CCDC171: variants seen among roughly 807,000 people sequenced by gnomAD.
CCDC171 encodes coiled-coil domain containing 171.
In CCDC171, 177 loss-of-function variants were observed where a neutral mutation model predicts 168.2. The ratio of observed to expected loss-of-function variants is 1.05; its 90% confidence interval spans 0.93 to 1.19. The LOEUF (loss-of-function observed/expected upper bound fraction) is 1.19. Among genes scored for constraint, CCDC171 ranks in the 50% most tolerant of loss-of-function variants. The pLI is 0.00. For synonymous variants in CCDC171, 687 were observed against 540.8 expected, an observed-to-expected ratio of 1.27 and a Z score of -3.75; for missense variants, 1,991 against 1,539.0, an observed-to-expected ratio of 1.29 and a Z score of -4.91.
chr9:15,564,111 A>G lies in CCDC171; in HGVS notation c.23A>G (p.Asn8Ser), dbSNP rs758257221. MNLNTSSNTGDTQRLKIA... is the reference protein window; with the variant it reads MNLNTSSSTGDTQRLKIA... ...ATCATGAATTTGAATACTTCAAGTA[A>G]TACTGGTGATACCCAAAGGTAAGCC... is the stretch of plus-strand genomic sequence containing the variant. The change falls in exon 2 of 26, where the codon AAT (asparagine) becomes AGT (serine). Residue 8 changes from asparagine to serine, a missense_variant. Transcript: ENST00000380701. 3.1e-6 allele frequency: 5 copies of G among 1,607,852 alleles called. No individual in the cohort carries two copies. Among genetic ancestry groups the G allele is most frequent in the Non-Finnish European group, 4.2e-6 (5 of 1,177,122 alleles).
chr9:15,824,680 A>T (rs1572978), intron 21 of CCDC171, among the ~76,000 whole-genome samples: 65,963 of 151,910 alleles, frequency 0.43, 14,505 homozygotes, highest in Non-Finnish European at 0.46. Context: ...GCTAATTTCT[A>T]TCCTGCGAAC....
intron 4 of CCDC171, among the ~76,000 whole-genome samples, chr9:15,580,883 C>T (rs1413186277): frequency 1.3e-5 from 2 of 152,062 alleles, no homozygotes; most frequent in African/African-American, 4.8e-5. Context: ...GACAAGGATG[C>T]CCTCTCTCAC....
chr9:15,960,786 A>G (rs776273140), intron 25 of CCDC171, among the ~76,000 whole-genome samples: 1 of 152,142 alleles, frequency 6.6e-6, no homozygotes, highest in Non-Finnish European at 1.5e-5. Context: ...TTCTCTCCCT[A>G]AGAAATACAT....
At position 15,784,595 on chromosome 9, in the gene CCDC171, G is replaced by T. The variant is rs1352692435; in HGVS notation, c.3168G>T (p.Leu1056Phe). The T allele has an allele frequency of 6.2e-7, 1 of 1,613,266 alleles. No individual in the cohort carries two copies. The highest frequency in any genetic ancestry group is 2.2e-5 in the East Asian group (1 of 44,832). The change falls in exon 21 of 26, where the codon TTG becomes TTT. Residue 1056 changes from leucine to phenylalanine, a missense_variant. Leu to Phe is a conservative substitution (Grantham distance 22). Transcript: ENST00000380701. The stretch of plus-strand genomic sequence containing the variant: ...GGGAAGAGCAGGCACAAATGCTATT[G>T]AATGAACAGGCACAACAACTACAGG... ...LLREEQAQML[L>F]NEQAQQLQEL... is the part of the protein sequence containing the mutation.
chr9:15,790,634 C>T (rs1171266313), intron 21 of CCDC171, among the ~76,000 whole-genome samples: 1 of 152,128 alleles, frequency 6.6e-6, no homozygotes, highest in Non-Finnish European at 1.5e-5. Context: ...GCTTTTGTTG[C>T]CATTGCCTTT....
At position 15,729,802 on chromosome 9, in the gene CCDC171, T is replaced by TG; in HGVS notation, c.2049+5dup. Reference sequence around the variant, plus strand: ...GGAGGTGCAGAAGAGGGCACAGGTATGCTACCTTTACAAAGAGCTTTAAAA... The same window carrying TG: ...GGAGGTGCAGAAGAGGGCACAGGTATGGCTACCTTTACAAAGAGCTTTAAAA... On this transcript the variant is annotated splice_donor_region_variant and intron_variant, in intron 16 of 25. Transcript: ENST00000380701. 1 of 1,595,260 alleles carries TG rather than the reference T, an allele frequency of 6.3e-7. No individual in the cohort carries two copies. Among genetic ancestry groups the TG allele is most frequent in the South Asian group, 1.1e-5 (1 of 88,152 alleles).
Position 15,906,044 on chromosome 9 carries a change from C to CA in CCDC171, c.3601-14218dup, listed in dbSNP as rs558148571. 8.2e-3 allele frequency among the ~76,000 whole-genome samples: 1,247 copies of CA among 151,870 alleles called. 14 individuals are homozygous for CA. The highest frequency in any genetic ancestry group is 0.029 in the African/African-American group (1,194 of 41,422). ...AGGCAATAATTATTAGCTTACCAAC[C>CA]AAAAAAAATCCAGGACCAGATGGAT... On this transcript the variant is annotated intron_variant, in intron 24 of 25. Transcript: ENST00000380701.
At chr9:15,582,326 TTGG>T (rs2041191524) in intron 4 of CCDC171, among the ~76,000 whole-genome samples, 1 of 152,184 alleles carries the variant, frequency 6.6e-6, no homozygotes, top group Admixed American at 6.5e-5. Context: ...TTTTACACTG[TTGG>T]TGGGAGTGTA....
At chr9:15,599,599 A>G (rs887117692) in intron 6 of CCDC171, among the ~76,000 whole-genome samples, 3 of 151,870 alleles carry the variant, frequency 2.0e-5, no homozygotes, top group Non-Finnish European at 2.9e-5. Flanking sequence ...CTTCATTTCA[A>G]CTTTGGTGAA....
intron 24 of CCDC171, among the ~76,000 whole-genome samples, chr9:15,903,415 C>G (rs1327944442): frequency 6.6e-6 from 1 of 152,200 alleles, no homozygotes; most frequent in Non-Finnish European, 1.5e-5. Flanking sequence ...GATACCCAGG[C>G]AAACAGGATC....
the CCDC171 span, among the ~76,000 whole-genome samples, chr9:16,098,282 G>C: frequency 6.6e-6 from 1 of 152,168 alleles, no homozygotes; most frequent in East Asian, 1.9e-4. Context: ...GCATGAACAT[G>C]TGCTTTAAAG....
chr9:16,094,354 A>T, the CCDC171 span, among the ~76,000 whole-genome samples: 1 of 152,254 alleles, frequency 6.6e-6, no homozygotes, highest in African/African-American at 2.4e-5. Context: ...TCTGTCTCAA[A>T]ATGGTTCATG....
chr9:15,854,433 T>G (rs1050444106), intron 23 of CCDC171, among the ~76,000 whole-genome samples: 1 of 151,666 alleles, frequency 6.6e-6, no homozygotes, highest in African/African-American at 2.4e-5. Flanking sequence ...TTAGTAGTAA[T>G]GTCCTCATTT....
chr9:15,623,475 G>GCGCGTGCGCGCGCGCACACACACA, intron 7 of CCDC171, 62 bp downstream of exon 7: 1 of 293,710 alleles, frequency 3.4e-6, no homozygotes, highest in African/African-American at 2.4e-5. Context: ...GCGCGCGCGC[G>GCGCGTGCGCGCGCGCACACACACA]CACACACACA....
At chr9:15,579,219 GA>G (rs1233207215) in intron 4 of CCDC171, among the ~76,000 whole-genome samples, 196 bp downstream of exon 4, 1 of 152,122 alleles carries the variant, frequency 6.6e-6, no homozygotes, top group Non-Finnish European at 1.5e-5. Flanking sequence ...ACTTTACATT[GA>G]TTTTTTTATG....
intron 21 of CCDC171, among the ~76,000 whole-genome samples, chr9:15,792,508 AG>A (rs1304648843): frequency 6.6e-6 from 1 of 152,180 alleles, no homozygotes; most frequent in Non-Finnish European, 1.5e-5. Flanking sequence ...AGCTACTCCA[AG>A]ACACATAATT....
chr9:15,836,782 G>T (rs1015544389), intron 21 of CCDC171, among the ~76,000 whole-genome samples: 1 of 152,168 alleles, frequency 6.6e-6, no homozygotes. Flanking sequence ...ACAGGACAGG[G>T]TATATATAAT....
chr9:15,900,624 C>A (rs1333965767), intron 24 of CCDC171, among the ~76,000 whole-genome samples: 1 of 152,182 alleles, frequency 6.6e-6, no homozygotes, highest in African/African-American at 2.4e-5. Context: ...TGTTATGCAG[C>A]ATGCAATACA....
chr9:15,631,079 A>G (rs1052352988), intron 7 of CCDC171, among the ~76,000 whole-genome samples: 83 of 152,290 alleles, frequency 5.5e-4, no homozygotes, highest in African/African-American at 1.9e-3. Flanking sequence ...GGAAAGATCC[A>G]AAATTGACAC....
Sources: allele counts gnomAD v4.1 joint callset (sites outside exome capture counted in the v4.1 genomes callset), GRCh38; gene constraint gnomAD v4.1.1; transcripts MANE v1.5; gene names NCBI Gene and HGNC (gene_info 2026-07-23, HGNC 2026-07-21).